The following FAF1 variants were observed in gnomAD, a reference collection of about 807,000 sequenced individuals.
The protein encoded by FAF1 is FAS-associated factor 1.
FAF1 carries 25 observed loss-of-function variants against 92.5 expected under a neutral mutation model. That is an observed-to-expected ratio of 0.27 (90% CI 0.20 to 0.38). The LOEUF (loss-of-function observed/expected upper bound fraction) is 0.38. FAF1 is among the 10% of genes least tolerant of loss of function. The pLI, the probability that FAF1 is intolerant of heterozygous loss-of-function variation, is 1.00. For synonymous variants in FAF1, 234 were observed against 273.2 expected (o/e 0.86, Z 1.42); for missense variants, 636 against 793.3 (o/e 0.80, Z 2.38).
chr1:50,807,864 C>T (rs1432606338), intron 2 of FAF1, among the ~76,000 whole-genome samples: 1 of 152,076 alleles, frequency 6.6e-6, no homozygotes, highest in Non-Finnish European at 1.5e-5. Context: ...GAAATTTTTT[C>T]CAACCTTGCT....
chr1:50,453,815 T>C (rs188695447), intron 18 of FAF1, among the ~76,000 whole-genome samples: 102 of 152,288 alleles, frequency 6.7e-4, no homozygotes, highest in Admixed American at 1.0e-3. Context: ...AGCCTTTTCT[T>C]CATGCGTATT....
intron 4 of FAF1, among the ~76,000 whole-genome samples, chr1:50,773,010 T>C (rs966953876): frequency 3.3e-5 from 5 of 152,224 alleles, no homozygotes; most frequent in Admixed American, 1.3e-4. Context: ...CCTTTCCCTA[T>C]GTACTATTCT....
At chr1:50,558,474 T>C (rs1436708002) in intron 13 of FAF1, among the ~76,000 whole-genome samples, 1 of 152,162 alleles carries the variant, frequency 6.6e-6, no homozygotes. Flanking sequence ...AAACTTCATC[T>C]TGAGACAGTG....
intron 7 of FAF1, among the ~76,000 whole-genome samples, chr1:50,669,425 T>C (rs1655771259): frequency 6.6e-6 from 1 of 152,192 alleles, no homozygotes; most frequent in Non-Finnish European, 1.5e-5. Context: ...GTCTTAAAAA[T>C]GAATAATACC....
chr1:50,581,864 A>G (rs142082131), intron 12 of FAF1, among the ~76,000 whole-genome samples: 136 of 152,312 alleles, frequency 8.9e-4, no homozygotes, highest in Non-Finnish European at 1.6e-3. Context: ...GGGAATGGGA[A>G]GAGCTGAAGC....
chr1:50,923,133 C>A (rs957915944), intron 1 of FAF1, among the ~76,000 whole-genome samples: 2 of 152,132 alleles, frequency 1.3e-5, no homozygotes, highest in African/African-American at 4.8e-5. Flanking sequence ...ATAAAGTCTC[C>A]TAAGGCTAAG....
intron 8 of FAF1, among the ~76,000 whole-genome samples, chr1:50,632,240 CCTTT>C (rs1449639276): frequency 6.6e-6 from 1 of 152,160 alleles, no homozygotes. Context: ...CTGAAGGTTA[CCTTT>C]CTTAGTCTGA....
chr1:50,745,202 G>A (rs1472475669), intron 4 of FAF1, among the ~76,000 whole-genome samples: 2 of 152,208 alleles, frequency 1.3e-5, no homozygotes, highest in Non-Finnish European at 2.9e-5. Flanking sequence ...TCAAGAGGCT[G>A]AGGCAGGAGA....
chr1:50,793,087 C>T (rs997131711), intron 3 of FAF1, among the ~76,000 whole-genome samples: 1 of 152,040 alleles, frequency 6.6e-6, no homozygotes, highest in African/African-American at 2.4e-5. Context: ...ACTACTTGAT[C>T]TATAAACAGT....
At chr1:50,574,944 T>C (rs758991896) in intron 12 of FAF1, among the ~76,000 whole-genome samples, 14 of 140,124 alleles carry the variant, frequency 1.0e-4, no homozygotes, top group Non-Finnish European at 2.1e-4. Flanking sequence ...GGTCTCGCTC[T>C]GTCACCCAGG....
chr1:50,645,127 C>A (rs1437356059), intron 8 of FAF1, among the ~76,000 whole-genome samples: 2 of 152,164 alleles, frequency 1.3e-5, no homozygotes, highest in East Asian at 1.9e-4. Flanking sequence ...GGGCAATGAA[C>A]CCTCTGAAGC....
intron 15 of FAF1, among the ~76,000 whole-genome samples, chr1:50,501,670 A>G (rs573722827): frequency 6.6e-6 from 1 of 152,118 alleles, no homozygotes; most frequent in East Asian, 1.9e-4. Flanking sequence ...CAAAAAAAAA[A>G]AAAAAGAAAA....
chr1:50,635,766 T>C (rs1277728309), intron 8 of FAF1, among the ~76,000 whole-genome samples: 1 of 152,208 alleles, frequency 6.6e-6, no homozygotes, highest in Non-Finnish European at 1.5e-5. Flanking sequence ...GACTCCTTGA[T>C]GTCATGCCTG....
chr1:50,893,014 T>C (rs1287065685), intron 1 of FAF1, among the ~76,000 whole-genome samples: 3 of 152,236 alleles, frequency 2.0e-5, no homozygotes, highest in Non-Finnish European at 2.9e-5. Flanking sequence ...AATTGCATTT[T>C]CAACTCCAGA....
At chr1:50,884,670 G>C (rs1570097967) in intron 1 of FAF1, among the ~76,000 whole-genome samples, 1 of 151,984 alleles carries the variant, frequency 6.6e-6, no homozygotes, top group East Asian at 1.9e-4. Context: ...CTAGTATTTT[G>C]TTGAGGATTT....
At chr1:50,753,788 C>T (rs1003530025) in intron 4 of FAF1, among the ~76,000 whole-genome samples, 2 of 144,746 alleles carry the variant, frequency 1.4e-5, no homozygotes, top group Non-Finnish European at 3.0e-5. Context: ...GACATAGTCT[C>T]GCTTAGTAGC....
At chr1:50,901,415 G>A (rs1205321823) in intron 1 of FAF1, among the ~76,000 whole-genome samples, 6 of 152,106 alleles carry the variant, frequency 3.9e-5, no homozygotes, top group African/African-American at 1.4e-4. Context: ...ATGTTACAGG[G>A]CTGAACATGG....
intron 1 of FAF1, among the ~76,000 whole-genome samples, chr1:50,953,012 A>T (rs1027215012): frequency 2.0e-5 from 3 of 152,258 alleles, no homozygotes; most frequent in African/African-American, 7.2e-5. Context: ...GTGTAGAAAG[A>T]AGTAGACATA....
chr1:50,575,414 A>G (rs921097557), intron 12 of FAF1, among the ~76,000 whole-genome samples: 1 of 152,224 alleles, frequency 6.6e-6, no homozygotes, highest in Non-Finnish European at 1.5e-5. Context: ...GTATTTATAT[A>G]AACTATATCA....
Sources: gnomAD v4.1 joint callset for allele counts (sites outside exome capture counted in the v4.1 genomes callset) on GRCh38, gnomAD v4.1.1 for gene constraint, MANE v1.5 for transcripts, NCBI Gene and HGNC (gene_info 2026-07-23, HGNC 2026-07-21) for gene names.